The following FCRL3 variants were observed in gnomAD, a reference collection of about 807,000 sequenced individuals.
The protein encoded by FCRL3 is Fc receptor like 3.
FCRL3 carries 89 observed loss-of-function variants against 75.0 expected under a neutral mutation model. The ratio of observed to expected loss-of-function variants is 1.19; its 90% CI spans 1.00 to 1.42. The LOEUF is 1.42. FCRL3 is among the 40% of genes most tolerant of loss of function. The probability of loss-of-function intolerance (pLI) is 0.00; values close to 1 mark genes in which losing one functional copy is unlikely to be tolerated. For missense variants in FCRL3, 946 were observed against 880.0 expected, an observed-to-expected ratio of 1.07 and a Z score of -0.95; for synonymous variants, 376 against 348.5, an observed-to-expected ratio of 1.08 and a Z score of -0.88.
In FCRL3 at chr1:157,697,423, C is replaced by T. The variant is rs78284410; in HGVS notation, c.561G>A (p.Glu187=). The T allele has an allele frequency of 5.8e-4, 896 of 1,533,864 alleles. 7 individuals carry two copies. The Middle Eastern group carries it at 7.9e-3, about 14-fold the overall frequency. Reference sequence around the variant, plus strand: ...CTCTCAGCACAGGATGTAGAAACAGCTCTAATGAAAAGAAACAACATAGTC... The same window carrying T: ...CTCTCAGCACAGGATGTAGAAACAGTTCTAATGAAAAGAAACAACATAGTC... ...TSKPLNIQVQ[E]LFLHPVLRAS... is the part of the protein sequence containing the mutation. The change falls in exon 6 of 15, where the codon GAG becomes GAA. Residue 187 remains glutamate (E), a splice_region_variant and synonymous_variant. Transcript: ENST00000368184.
At position 157,690,348 on chromosome 1, in the gene FCRL3, A is replaced by C; in HGVS notation, c.1597T>G (p.Ser533Ala). The stretch of plus-strand genomic sequence containing the variant: ...TTTCCAGAATGTTCTGTAGTCAGAG[A>C]GAGGTTGAAGGATGCCCCTCCTCCA... Reference protein sequence around the residue: ...HSGGGASFNLSLTTEHSGNYS... With the variant: ...HSGGGASFNLALTTEHSGNYS... The change falls in exon 9 of 15, where the codon TCT becomes GCT. Residue 533 changes from serine (S) to alanine (A), a missense_variant. Transcript: ENST00000368184. 1.2e-6 allele frequency: 2 copies of C among 1,614,202 alleles called. No individual in the cohort carries two copies. Among genetic ancestry groups the C allele is most frequent in the Non-Finnish European group, 1.7e-6 (2 of 1,180,042 alleles).
At position 157,695,470 on chromosome 1, in the gene FCRL3, G is replaced by A; in HGVS notation, c.1270C>T (p.Leu424=). 1 of 1,614,202 alleles carries A rather than the reference G, an allele frequency of 6.2e-7. No homozygotes were observed. The change falls in exon 8 of 15, where the codon CTG becomes TTG. Residue 424 remains leucine, a synonymous_variant. Transcript: ENST00000368184. ...CCAGAGGGGGCTGAGCTGTTCCCCA[G>A]GGTGACATCCTCATGATAAAATCGG... ...LYRFYHEDVT[L]GNSSAPSGGG...
intron 8 of FCRL3, chr1:157,691,671 A>T (rs539735604): frequency 6.6e-6 from 1 of 152,328 alleles, no homozygotes; most frequent in Admixed American, 6.5e-5. Context: ...GGCGGGATGC[A>T]GAGGGCCTCA....
chr1:157,683,228 A>C lies in FCRL3; in HGVS notation c.1827T>G (p.Thr609=), dbSNP rs1313361028. Residue 609 remains threonine (T), a synonymous_variant, in exon 11 of 15, where the codon ACT becomes ACG. Coordinates refer to ENST00000368184, the MANE Select transcript of FCRL3 (RefSeq NM_052939.4). ...AGCAGAGACCTCACCTAGATGTTCCAGTGGCAGAAAGTCCTCCTGCAAAAC... is the reference window on the plus strand; with the variant it reads ...AGCAGAGACCTCACCTAGATGTTCCCGTGGCAGAAAGTCCTCCTGCAAAAC... ...ARRKPGGLSA[T]GTSSHSPSEC... 17 of 1,613,624 alleles carry C rather than the reference A, an allele frequency of 1.1e-5. No individual in the cohort carries two copies. The highest frequency in any genetic ancestry group is 1.4e-5 in the Non-Finnish European group (16 of 1,179,784).
At chr1:157,680,174 T>A (rs1412887870) in intron 13 of FCRL3, among the ~76,000 whole-genome samples, 1 of 152,224 alleles carries the variant, frequency 6.6e-6, no homozygotes, top group South Asian at 2.1e-4. Flanking sequence ...GAGTTCAGTA[T>A]GGCTAGAGGA....
rs1020637077 is a variant in FCRL3 at position 157,690,361 on chromosome 1, T to C, written c.1584A>G (p.Ala528=). 5 of 1,614,202 alleles carry C rather than the reference T, an allele frequency of 3.1e-6. No homozygotes were observed. The highest frequency in any genetic ancestry group is 2.2e-5 in the South Asian group (2 of 91,084). ...GNISAHSGGG[A]SFNLSLTTEH... ...CTGTAGTCAGAGAGAGGTTGAAGGA[T>C]GCCCCTCCTCCAGAGTGGGCCGAGA... is the stretch of plus-strand genomic sequence containing the variant. Residue 528 remains alanine (A), a synonymous_variant, in exon 9 of 15, where the codon GCA becomes GCG. Coordinates refer to ENST00000368184, the MANE Select transcript of FCRL3 (RefSeq NM_052939.4).
Position 157,695,554 on chromosome 1 carries a change from C to T in FCRL3, c.1186G>A (p.Val396Met). The part of the protein sequence containing the change: ...TFRAPRAHTV[V>M]GDLLELHCES... ...CAGTGAAGCTCCAGCAGGTCCCCCACCACAGTGTGGGCCCTGGGAGCCCTG... is the reference window on the plus strand; with the variant it reads ...CAGTGAAGCTCCAGCAGGTCCCCCATCACAGTGTGGGCCCTGGGAGCCCTG... Residue 396 changes from valine to methionine, a missense_variant, in exon 8 of 15, where the codon GTG becomes ATG. Transcript: ENST00000368184. 2 of 1,614,042 alleles carry T rather than the reference C, an allele frequency of 1.2e-6. No individual in the cohort carries two copies. The highest frequency in any genetic ancestry group is 2.2e-5 in the South Asian group (2 of 91,074).
intron 12 of FCRL3, 46 bp from the exon 13 acceptor site, chr1:157,680,816 T>G (rs761905202): frequency 6.4e-7 from 1 of 1,567,704 alleles, no homozygotes; most frequent in Non-Finnish European, 8.8e-7. Flanking sequence ...GAGCTCATAT[T>G]CTAGACTCTA....
chr1:157,683,894 C>A (rs1171409824), intron 10 of FCRL3, among the ~76,000 whole-genome samples: 1 of 152,148 alleles, frequency 6.6e-6, no homozygotes, highest in African/African-American at 2.4e-5. Flanking sequence ...GCACATAAGA[C>A]CATGTAATAT....
chr1:157,698,267 G>T (rs530761837), intron 4 of FCRL3, 117 bp downstream of exon 4: 37 of 1,224,046 alleles, frequency 3.0e-5, no homozygotes, highest in Non-Finnish European at 3.4e-5. Flanking sequence ...CCCCACTGGG[G>T]TCAGTGCATC....
intron 8 of FCRL3, among the ~76,000 whole-genome samples, chr1:157,691,197 A>G (rs925272345): frequency 3.3e-5 from 5 of 152,202 alleles, no homozygotes; most frequent in African/African-American, 1.2e-4. Context: ...CAAACTGTCA[A>G]AAAAAATCCA....
chr1:157,690,851 T>TA (rs1476615743), intron 8 of FCRL3, among the ~76,000 whole-genome samples: 4 of 152,164 alleles, frequency 2.6e-5, no homozygotes, highest in African/African-American at 9.7e-5. Context: ...AAAATATAGC[T>TA]AAAATCAAGG....
At chr1:157,683,672 C>T (rs1478456241) in intron 10 of FCRL3, among the ~76,000 whole-genome samples, 2 of 152,112 alleles carry the variant, frequency 1.3e-5, no homozygotes. Context: ...ATCAATGGGA[C>T]TACCATGATA....
At position 157,696,204 on chromosome 1, in the gene FCRL3, T is replaced by G; in HGVS notation, c.968A>C (p.His323Pro). 1 of 1,613,988 alleles carries G rather than the reference T, an allele frequency of 6.2e-7. No homozygotes were observed. The highest frequency in any genetic ancestry group is 8.5e-7 in the Non-Finnish European group (1 of 1,179,988). ...CAGGCTTCTTACTCTTCCTTCTTTG[T>G]GCCAGGAGAATGTGACAGTCCCTGA... ...QGSGTVTFSW[H>P]KEGRVRSLGR... is the part of the protein sequence containing the mutation. Residue 323 changes from histidine (H) to proline (P), a missense_variant, in exon 7 of 15, where the codon CAC becomes CCC. Transcript: ENST00000368184.
chr1:157,692,277 TGCCCA>T (rs1655595594), intron 8 of FCRL3, among the ~76,000 whole-genome samples: 1 of 152,202 alleles, frequency 6.6e-6, no homozygotes, highest in African/African-American at 2.4e-5. Flanking sequence ...CTCACTCTGT[TGCCCA>T]GCCTGGAGTA....
At chr1:157,682,778 C>G (rs574668441) in intron 11 of FCRL3, among the ~76,000 whole-genome samples, 9 of 152,172 alleles carry the variant, frequency 5.9e-5, no homozygotes, top group Admixed American at 1.3e-4. Context: ...AGATGCCATG[C>G]GAGCTCTTCA....
chr1:157,680,642 C>T, intron 13 of FCRL3, 60 bp downstream of exon 13: 7 of 1,412,614 alleles, frequency 5.0e-6, no homozygotes, highest in Non-Finnish European at 7.0e-6. Context: ...ATCAAAGACC[C>T]CTTGCCCGTT....
Position 157,679,830 on chromosome 1 carries a change from CAAAAAAAAAAAAAAA to C in FCRL3, c.2026+857_2027-858del, listed in dbSNP as rs1166825112. Among the ~76,000 whole-genome samples, 4 of 49,916 alleles carry C rather than the reference CAAAAAAAAAAAAAAA, an allele frequency of 8.0e-5. 1 individual carries two copies. The highest frequency in any genetic ancestry group is 7.2e-4 in the Admixed American group (2 of 2,770). The allele number at this position is 49,916 out of a possible 152,430, so 32.7% of individuals were successfully genotyped here. A position where few individuals can be genotyped will look rare whatever the true frequency, so the allele number is the denominator to read the frequency against. On this transcript the variant is annotated intron_variant, in intron 13 of 14. Coordinates refer to ENST00000368184, the MANE Select transcript of FCRL3 (RefSeq NM_052939.4). ...GGCGACAGAACGAGACCCCATCTCACAAAAAAAAAAAAAAAAAAAAAAAAAAAAAATGACAGAAAC... is the reference window on the plus strand; with the variant it reads ...GGCGACAGAACGAGACCCCATCTCACAAAAAAAAAAAAAAATGACAGAAAC...
At chr1:157,686,896 A>G (rs1655209514) in intron 10 of FCRL3, among the ~76,000 whole-genome samples, 1 of 152,128 alleles carries the variant, frequency 6.6e-6, no homozygotes, top group South Asian at 2.1e-4. Flanking sequence ...ATTTTTGGCT[A>G]AGTTCCCAAA....
Sources: allele counts gnomAD v4.1 joint callset (sites outside exome capture counted in the v4.1 genomes callset), GRCh38; gene constraint gnomAD v4.1.1; transcripts MANE v1.5; gene names NCBI Gene and HGNC (gene_info 2026-07-23, HGNC 2026-07-21).